MAPRE1: variants seen among roughly 807,000 people sequenced by gnomAD.
MAPRE1 encodes microtubule associated protein RP/EB family member 1.
Under a neutral mutation model 32.1 loss-of-function variants are expected in MAPRE1, and 5 were observed. The ratio of observed to expected loss-of-function variants is 0.16; its 90% CI spans 0.08 to 0.33. MAPRE1 has a LOEUF of 0.33. MAPRE1 is among the 10% of genes least tolerant of loss of function. The pLI is 1.00. For missense variants in MAPRE1, 209 were observed against 327.2 expected (o/e 0.64, Z 2.79); for synonymous variants, 122 against 118.9 (o/e 1.03, Z -0.17).
chr20:32,833,369 CTT>C (rs1344296851), intron 2 of MAPRE1, among the ~76,000 whole-genome samples: 1 of 152,086 alleles, frequency 6.6e-6, no homozygotes, highest in Non-Finnish European at 1.5e-5. Context: ...GAAAATGTCA[CTT>C]TTGTTATTTT....
rs866436363 is a variant in MAPRE1, at chr20:32,824,184, C to G, written c.-3-1741C>G. ...ATGTGAACTCCCTGTGGACAGGCAC[C>G]TTGTCTCTTGCTTTTCTGTATCCTG... On this transcript the variant is annotated intron_variant, in intron 1 of 6. Coordinates refer to ENST00000375571, the MANE Select transcript of MAPRE1 (RefSeq NM_012325.3). 1.3e-4 allele frequency among the ~76,000 whole-genome samples: 20 copies of G among 152,210 alleles called. 1 individual carries two copies. Among genetic ancestry groups the G allele is most frequent in the Admixed American group, 9.8e-4 (15 of 15,286 alleles).
chr20:32,844,050 C>T (rs556740376), intron 5 of MAPRE1, among the ~76,000 whole-genome samples: 6 of 152,204 alleles, frequency 3.9e-5, no homozygotes, highest in African/African-American at 1.4e-4. Context: ...GACAGGGTTT[C>T]ACCATGTTGG....
intron 2 of MAPRE1, among the ~76,000 whole-genome samples, chr20:32,826,909 G>A (rs1472660426): frequency 1.3e-5 from 2 of 152,052 alleles, no homozygotes; most frequent in African/African-American, 4.8e-5. Context: ...GCTCAGCCCC[G>A]ACTTCTTGGT....
chr20:32,819,923 T>C (rs1365596382), upstream of MAPRE1: 1 of 142,056 alleles, frequency 7.0e-6, no homozygotes, highest in African/African-American at 2.6e-5. Flanking sequence ...AGGGGGTGCG[T>C]GTGAGGTCAT....
chr20:32,822,089 G>A (rs1219328933), intron 1 of MAPRE1, among the ~76,000 whole-genome samples: 2 of 152,156 alleles, frequency 1.3e-5, no homozygotes, highest in Non-Finnish European at 2.9e-5. Flanking sequence ...TGTGGAGCAC[G>A]TGGGACCAGG....
At chr20:32,846,498 G>A in intron 5 of MAPRE1, 120 bp from the exon 6 acceptor site, 3 of 894,806 alleles carry the variant, frequency 3.4e-6, no homozygotes, top group Non-Finnish European at 5.4e-6. Flanking sequence ...AAACTGATGT[G>A]GTTTTTGTCT....
chr20:32,836,399 T>C (rs1292926379), intron 3 of MAPRE1, among the ~76,000 whole-genome samples: 1 of 152,262 alleles, frequency 6.6e-6, no homozygotes, highest in Non-Finnish European at 1.5e-5. Flanking sequence ...TGTTCCTTTT[T>C]TGTTTCTGAT....
At chr20:32,840,172 C>T (rs935552778) in intron 5 of MAPRE1, among the ~76,000 whole-genome samples, 5 of 152,182 alleles carry the variant, frequency 3.3e-5, no homozygotes, top group Non-Finnish European at 5.9e-5. Context: ...AGGAGGTCTC[C>T]TTTTTGAATA....
rs1982640565 is a variant in MAPRE1 at position 32,820,005 on chromosome 20, T to G, written c.-27T>G. 1 of 150,342 alleles carries G rather than the reference T, an allele frequency of 6.7e-6. No individual in the cohort carries two copies. Among genetic ancestry groups the G allele is most frequent in the South Asian group, 2.1e-4 (1 of 4,756 alleles). 9.3% of individuals were successfully genotyped at this position (150,342 alleles called of 1,614,324 possible). Reference sequence around the variant, plus strand: ...CGGAACCGGAGCCGGTTGCGGGCAGTGGACGCGGTTCTGCCGAGAGCCGGT... The same window carrying G: ...CGGAACCGGAGCCGGTTGCGGGCAGGGGACGCGGTTCTGCCGAGAGCCGGT... On this transcript the variant is annotated 5_prime_UTR_variant, in exon 1 of 7. Transcript: ENST00000375571.
chr20:32,841,514 G>A (rs1983361843), intron 5 of MAPRE1, among the ~76,000 whole-genome samples: 2 of 150,280 alleles, frequency 1.3e-5, no homozygotes, highest in African/African-American at 2.5e-5. Flanking sequence ...TGTGTACAAC[G>A]TGCAGGTTAG....
chr20:32,824,889 C>G (rs1265613625), intron 1 of MAPRE1, among the ~76,000 whole-genome samples: 2 of 151,660 alleles, frequency 1.3e-5, no homozygotes, highest in Non-Finnish European at 2.9e-5. Context: ...TGGTGGCTCA[C>G]GCCTGTAATC....
intron 3 of MAPRE1, 93 bp downstream of exon 3, chr20:32,833,955 T>G (rs1342562902): frequency 7.8e-7 from 1 of 1,277,212 alleles, no homozygotes; most frequent in African/African-American, 1.5e-5. Flanking sequence ...ACATTTTCTT[T>G]TTTTTCTTAA....
At chr20:32,845,984 C>G (rs548134268) in intron 5 of MAPRE1, among the ~76,000 whole-genome samples, 12 of 152,296 alleles carry the variant, frequency 7.9e-5, no homozygotes, top group African/African-American at 2.9e-4. Context: ...AAATGGAATT[C>G]ACTTGTCATA....
intron 1 of MAPRE1, among the ~76,000 whole-genome samples, 153 bp downstream of exon 1, chr20:32,820,181 C>T (rs1458765748): frequency 1.4e-5 from 2 of 143,600 alleles, no homozygotes; most frequent in African/African-American, 5.3e-5. Flanking sequence ...GGGCCGTCAC[C>T]CGGCGCGCGC....
chr20:32,834,727 T>C (rs903659729), intron 3 of MAPRE1, among the ~76,000 whole-genome samples: 1 of 152,198 alleles, frequency 6.6e-6, no homozygotes, highest in African/African-American at 2.4e-5. Flanking sequence ...ATAGAGTTCA[T>C]ATACAGTAAT....
intron 3 of MAPRE1, among the ~76,000 whole-genome samples, chr20:32,834,426 CAAACAT>C (rs1481584738): frequency 3.3e-5 from 5 of 152,180 alleles, no homozygotes; most frequent in African/African-American, 1.2e-4. Flanking sequence ...TGGTTTAGCA[CAAACAT>C]TTAATGTTTA....
In MAPRE1 at chr20:32,847,394, T is replaced by C. The variant is rs570758410; in HGVS notation, c.750+624T>C. ...TTGTTATCCGGCTGTGTCCACTGTT[T>C]AATGGTGATGTTTGTAATTCTGTGT... On this transcript the variant is annotated intron_variant, in intron 6 of 6. Transcript: ENST00000375571. Among the ~76,000 whole-genome samples the C allele has an allele frequency of 5.3e-5, 8 of 152,332 alleles. No homozygotes were observed. The East Asian group carries it at 1.5e-3, about 29-fold the overall frequency.
chr20:32,835,850 C>A (rs977153917), intron 3 of MAPRE1, among the ~76,000 whole-genome samples: 1 of 152,124 alleles, frequency 6.6e-6, no homozygotes, highest in Non-Finnish European at 1.5e-5. Context: ...AAGTGATCTA[C>A]CTGCCTTGAC....
In MAPRE1 at chr20:32,833,829, A is replaced by G. The variant is rs779163615; in HGVS notation, c.234A>G (p.Leu78=). ...AGTACATCCAGAACTTCAAAATACT[A>G]CAAGCAGGTTTTAAGAGAATGGGTG... ...EHEYIQNFKI[L]QAGFKRMGVD... is the part of the protein sequence containing the mutation. The change falls in exon 3 of 7, where the codon CTA becomes CTG. Residue 78 remains leucine (L), a synonymous_variant. Coordinates refer to ENST00000375571, the MANE Select transcript of MAPRE1 (RefSeq NM_012325.3). The G allele has an allele frequency of 5.6e-6, 9 of 1,613,908 alleles. No individual in the cohort carries two copies. The highest frequency in any genetic ancestry group is 1.6e-4 in the Middle Eastern group (1 of 6,084).
Sources: gnomAD v4.1 joint callset for allele counts (sites outside exome capture counted in the v4.1 genomes callset) on GRCh38, gnomAD v4.1.1 for gene constraint, MANE v1.5 for transcripts, NCBI Gene and HGNC (gene_info 2026-07-23, HGNC 2026-07-21) for gene names.